OPCML: variants seen among roughly 807,000 people sequenced by gnomAD.
The protein encoded by OPCML is opioid binding protein/cell adhesion molecule like.
Under a neutral mutation model 37.8 loss-of-function variants are expected in OPCML, and 13 were observed. That is an observed-to-expected ratio of 0.34 (90% CI 0.22 to 0.55). OPCML has a LOEUF of 0.55. OPCML is among the 20% of genes least tolerant of loss of function. The pLI is 0.91. For synonymous variants in OPCML, 176 were observed against 168.8 expected (o/e 1.04, Z -0.33); for missense variants, 341 against 435.6 (o/e 0.78, Z 1.93).
intron 3 of OPCML, among the ~76,000 whole-genome samples, chr11:132,560,676 C>T (rs954227565): frequency 6.6e-6 from 1 of 152,156 alleles, no homozygotes; most frequent in Non-Finnish European, 1.5e-5. Flanking sequence ...TTTCCCTGAT[C>T]GTTAGTGACG....
chr11:133,345,697 T>C (rs1196937936), intron 1 of OPCML, among the ~76,000 whole-genome samples: 1 of 152,086 alleles, frequency 6.6e-6, no homozygotes, highest in African/African-American at 2.4e-5. Flanking sequence ...ACTAGGGCCG[T>C]AGAGAGCAAA....
At chr11:132,993,259 T>C (rs1946814940) in intron 1 of OPCML, among the ~76,000 whole-genome samples, 1 of 152,198 alleles carries the variant, frequency 6.6e-6, no homozygotes, top group Non-Finnish European at 1.5e-5. Context: ...GGTCAATCTG[T>C]ATACACATGT....
At chr11:132,461,121 A>G (rs565713778) in intron 4 of OPCML, among the ~76,000 whole-genome samples, 13 of 152,070 alleles carry the variant, frequency 8.5e-5, no homozygotes, top group Non-Finnish European at 1.5e-4. Flanking sequence ...AGTATTTGGT[A>G]TTTGGTCTTC....
intron 2 of OPCML, among the ~76,000 whole-genome samples, chr11:132,686,006 G>A (rs1436930731): frequency 6.6e-6 from 1 of 152,150 alleles, no homozygotes; most frequent in Non-Finnish European, 1.5e-5. Flanking sequence ...GGGGCATGAG[G>A]CATGTTCACT....
At position 132,482,135 on chromosome 11, in the gene OPCML, GT is replaced by G. The variant is rs1253348599; in HGVS notation, c.506-44777del. On this transcript the variant is annotated intron_variant, in intron 4 of 7. Transcript: ENST00000524381. ...AAAAAATTAATGAATCCAGGAGCTG[GT>G]TTTTTGAAAGGATCAACAAAATTGA... Among the ~76,000 whole-genome samples, 4 of 149,516 alleles carry G rather than the reference GT, an allele frequency of 2.7e-5. No individual in the cohort carries two copies. In the East Asian group the frequency reaches 7.9e-4, roughly 30 times the overall value.
At chr11:132,581,550 G>A (rs982792960) in intron 3 of OPCML, among the ~76,000 whole-genome samples, 12 of 152,260 alleles carry the variant, frequency 7.9e-5, no homozygotes, top group Non-Finnish European at 1.6e-4. Context: ...TATTTTGCTG[G>A]CCTCTGATGG....
chr11:133,195,206 C>T (rs1456452328), intron 1 of OPCML, among the ~76,000 whole-genome samples: 2 of 152,106 alleles, frequency 1.3e-5, no homozygotes, highest in Non-Finnish European at 2.9e-5. Context: ...AAATTTAATA[C>T]TCTTTGGCCT....
At chr11:132,554,123 A>G (rs2096388825) in intron 3 of OPCML, among the ~76,000 whole-genome samples, 1 of 152,156 alleles carries the variant, frequency 6.6e-6, no homozygotes, top group Non-Finnish European at 1.5e-5. Flanking sequence ...TGAGATTTAG[A>G]TCATTAAACG....
In OPCML at chr11:132,845,128, G is replaced by C. The variant is rs543431210; in HGVS notation, c.146+97798C>G. Among the ~76,000 whole-genome samples, 6 of 152,208 alleles carry C rather than the reference G, an allele frequency of 3.9e-5. No individual in the cohort carries two copies. In the South Asian group the frequency reaches 1.2e-3, roughly 32 times the overall value. ...GCTCATGGCTGGGAAGCCACAAGCA[G>C]ATCACTGTAATTTGACTCTAGCTCG... On this transcript the variant is annotated intron_variant, in intron 2 of 7. Coordinates refer to ENST00000524381, the MANE Select transcript of OPCML (RefSeq NM_001012393.5).
At chr11:132,814,489 A>T (rs1201370410) in intron 2 of OPCML, among the ~76,000 whole-genome samples, 2 of 152,236 alleles carry the variant, frequency 1.3e-5, no homozygotes, top group Non-Finnish European at 2.9e-5. Flanking sequence ...GCAGTGAGGC[A>T]GAAATGAAAA....
intron 3 of OPCML, among the ~76,000 whole-genome samples, chr11:132,633,749 G>GA (rs1418970957): frequency 2.0e-5 from 3 of 152,198 alleles, no homozygotes; most frequent in Non-Finnish European, 4.4e-5. Flanking sequence ...CAGCAGGAGG[G>GA]AAAGTAAGGG....
At chr11:132,858,518 G>A (rs1942158808) in intron 2 of OPCML, among the ~76,000 whole-genome samples, 1 of 152,206 alleles carries the variant, frequency 6.6e-6, no homozygotes, top group Non-Finnish European at 1.5e-5. Context: ...CGTGTGGAGA[G>A]GTTATGAGCC....
intron 1 of OPCML, among the ~76,000 whole-genome samples, chr11:133,118,803 A>G (rs577357670): frequency 1.2e-4 from 19 of 152,156 alleles, no homozygotes; most frequent in Admixed American, 6.5e-5. Context: ...CCCTCTCCCA[A>G]TAAAGTGCTC....
chr11:132,839,564 C>T (rs1050189525), intron 2 of OPCML, among the ~76,000 whole-genome samples: 27 of 152,178 alleles, frequency 1.8e-4, no homozygotes, highest in African/African-American at 6.3e-4. Context: ...ATCAATTCCA[C>T]GTGAAATGAG....
chr11:133,278,904 G>A (rs1942064820), intron 1 of OPCML, among the ~76,000 whole-genome samples: 1 of 152,116 alleles, frequency 6.6e-6, no homozygotes, highest in South Asian at 2.1e-4. Flanking sequence ...GAGACTTCCA[G>A]ACTTTAAGTA....
At position 132,528,973 on chromosome 11, in the gene OPCML, G is replaced by T. The variant is rs1407383350; in HGVS notation, c.505+88C>A. 4.2e-6 allele frequency: 3 copies of T among 706,762 alleles called. No individual in the cohort carries two copies. The East Asian group carries it at 8.3e-5, about 20-fold the overall frequency. 43.8% of individuals were successfully genotyped at this position (706,762 alleles called of 1,614,324 possible). On this transcript the variant is annotated intron_variant, in intron 4 of 7. Transcript: ENST00000524381. ...ATTTTCTATGACTGGATTACAAAAT[G>T]TTTTCTGATTCCTGAAGCTCTGTTG...
intron 2 of OPCML, among the ~76,000 whole-genome samples, chr11:132,852,335 T>C (rs952787780): frequency 6.6e-6 from 1 of 152,174 alleles, no homozygotes; most frequent in African/African-American, 2.4e-5. Flanking sequence ...CTGGAAAACC[T>C]AAGAGGGCAG....
Position 133,173,919 on chromosome 11 carries a change from A to G in OPCML, c.62-230909T>C, listed in dbSNP as rs115188242. Among the ~76,000 whole-genome samples, 2,150 of 152,294 alleles carry G rather than the reference A, an allele frequency of 0.014. 52 individuals are homozygous for G. The highest frequency in any genetic ancestry group is 0.049 in the African/African-American group (2,039 of 41,556). ...GAAGATTGGACCGGGGCCGGCCGGC[A>G]CTGGAGCAGCCCTCTCCCTCCATCC... On this transcript the variant is annotated intron_variant, in intron 1 of 7. Transcript: ENST00000524381. The surrounding 1 kb of genome is among the most constrained non-coding windows in gnomAD (Gnocchi z 7.8).
intron 4 of OPCML, among the ~76,000 whole-genome samples, chr11:132,438,625 G>A (rs529529511): frequency 7.3e-5 from 11 of 151,618 alleles, no homozygotes; most frequent in Non-Finnish European, 1.5e-4. Context: ...GCAGGAATGT[G>A]TCTGTGGAGA....
Sources: gnomAD v4.1 joint callset for allele counts (sites outside exome capture counted in the v4.1 genomes callset) on GRCh38, gnomAD v4.1.1 for gene constraint, Gnocchi (gnomAD v3.1) non-coding constraint, MANE v1.5 for transcripts, NCBI Gene and HGNC (gene_info 2026-07-23, HGNC 2026-07-21) for gene names.